Variants in STK3 observed in about 807,000 individuals in gnomAD.
The protein encoded by STK3 is serine/threonine kinase 3.
A neutral mutation model predicts 58.0 loss-of-function variants in STK3; 41 were observed. The ratio of observed to expected loss-of-function variants is 0.71; its 90% confidence interval spans 0.55 to 0.92. The LOEUF (loss-of-function observed/expected upper bound fraction) is 0.92, where lower values mean the gene tolerates loss of function less well. STK3 is among the 40% of genes least tolerant of loss of function. The probability of loss-of-function intolerance (pLI) is 0.00; values close to 1 mark genes in which losing one functional copy is unlikely to be tolerated. For synonymous variants in STK3, 170 were observed against 191.0 expected, an observed-to-expected ratio of 0.89 and a Z score of 0.91; for missense variants, 479 against 602.7, an observed-to-expected ratio of 0.79 and a Z score of 2.15.
chr8:98,935,177 G>A (rs1487055002), intron 1 of STK3, among the ~76,000 whole-genome samples: 1 of 152,076 alleles, frequency 6.6e-6, no homozygotes, highest in Non-Finnish European at 1.5e-5. Context: ...GGGGGTGGGG[G>A]GCTTGCCCTC....
intron 6 of STK3, chr8:98,597,629 T>C (rs1046306321): frequency 5.1e-6 from 5 of 985,400 alleles, no homozygotes; most frequent in Middle Eastern, 5.2e-4. Flanking sequence ...TGCCACAAGA[T>C]GAATCTGCTG....
chr8:98,722,866 T>C (rs1202027342), intron 4 of STK3: 6 of 504,988 alleles, frequency 1.2e-5, no homozygotes, highest in Non-Finnish European at 1.6e-5. Context: ...ATCTGCTTCA[T>C]ATAGAAGAAG....
intron 10 of STK3, among the ~76,000 whole-genome samples, chr8:98,486,865 C>G (rs1025702421): frequency 2.0e-5 from 3 of 152,044 alleles, no homozygotes; most frequent in Non-Finnish European, 4.4e-5. Flanking sequence ...GTTGAGGTGG[C>G]TACTGTCAGT....
At chr8:98,541,401 C>A (rs1043499018) in intron 9 of STK3, among the ~76,000 whole-genome samples, 3 of 152,094 alleles carry the variant, frequency 2.0e-5, no homozygotes, top group Admixed American at 6.5e-5. Flanking sequence ...CCATGTAGGA[C>A]GTGCCAGCTT....
At chr8:98,918,921 AC>A (rs1427077674) in intron 1 of STK3, among the ~76,000 whole-genome samples, 1 of 151,956 alleles carries the variant, frequency 6.6e-6, no homozygotes, top group Non-Finnish European at 1.5e-5. Context: ...CCACATCAGG[AC>A]CGGCCTGAGA....
intron 3 of STK3, among the ~76,000 whole-genome samples, chr8:98,831,331 C>G (rs564420049): frequency 1.3e-5 from 2 of 152,328 alleles, no homozygotes; most frequent in Admixed American, 1.3e-4. Context: ...AAGCCCACTA[C>G]AACCTTGAAC....
rs578135001 is a variant in STK3, at chr8:98,702,029, C to T, written c.684+4438G>A. Among the ~76,000 whole-genome samples, 3 of 152,204 alleles carry T rather than the reference C, an allele frequency of 2.0e-5. No individual in the cohort carries two copies. In the South Asian group the frequency reaches 6.2e-4, roughly 32 times the overall value. On this transcript the variant is annotated intron_variant, in intron 6 of 10. Transcript: ENST00000419617. ...GTTTCAATGTGTACATCATCATTTC[C>T]CTTTACTAAACAGATAATCATTACT...
intron 4 of STK3, among the ~76,000 whole-genome samples, chr8:98,743,976 G>GA (rs1443651211): frequency 6.6e-6 from 1 of 151,900 alleles, no homozygotes; most frequent in Non-Finnish European, 1.5e-5. Context: ...AAACACATGA[G>GA]AAAATGCTCA....
At chr8:98,895,728 T>C (rs988632382) in intron 1 of STK3, among the ~76,000 whole-genome samples, 7 of 152,132 alleles carry the variant, frequency 4.6e-5, no homozygotes, top group African/African-American at 1.7e-4. Flanking sequence ...TGATGATCAC[T>C]TAGCTGCTGA....
chr8:98,936,220 C>T (rs188730419), intron 1 of STK3, among the ~76,000 whole-genome samples: 88 of 152,264 alleles, frequency 5.8e-4, no homozygotes, highest in Admixed American at 2.7e-3. Flanking sequence ...GCCTGGCCTG[C>T]ATCCATGTTA....
At chr8:98,419,416 A>G (rs1262875878) in intron 3 of STK3, among the ~76,000 whole-genome samples, 5 of 152,156 alleles carry the variant, frequency 3.3e-5, no homozygotes, top group Non-Finnish European at 5.9e-5. Context: ...TCTTCTGCCC[A>G]AACCCCTCCA....
At chr8:98,718,017 T>C (rs899155787) in intron 4 of STK3, among the ~76,000 whole-genome samples, 1 of 152,142 alleles carries the variant, frequency 6.6e-6, no homozygotes, top group Non-Finnish European at 1.5e-5. Flanking sequence ...CACATCTAGA[T>C]AGACAGTAGA....
intron 6 of STK3, among the ~76,000 whole-genome samples, chr8:98,671,555 T>G (rs947226180): frequency 6.6e-6 from 1 of 152,120 alleles, no homozygotes; most frequent in Non-Finnish European, 1.5e-5. Flanking sequence ...TTTTTGTATA[T>G]AAATTTTTTA....
At chr8:98,603,942 A>G (rs1426939939) in intron 6 of STK3, among the ~76,000 whole-genome samples, 1 of 152,226 alleles carries the variant, frequency 6.6e-6, no homozygotes, top group Non-Finnish European at 1.5e-5. Flanking sequence ...TTAAGTTAAA[A>G]GTCTTGAGGT....
chr8:98,884,962 A>T (rs186406756), intron 1 of STK3, among the ~76,000 whole-genome samples: 50 of 152,362 alleles, frequency 3.3e-4, no homozygotes, highest in African/African-American at 1.2e-3. Flanking sequence ...AACTCAAAGA[A>T]CACTGCAATA....
intron 1 of STK3, among the ~76,000 whole-genome samples, chr8:98,387,402 G>A (rs1586544849): frequency 1.3e-5 from 2 of 152,312 alleles, no homozygotes; most frequent in South Asian, 4.1e-4. Context: ...CTAAGCATGA[G>A]TCCATGATGT....
chr8:98,722,012 AG>A (rs1234576840), intron 4 of STK3, among the ~76,000 whole-genome samples: 1 of 152,144 alleles, frequency 6.6e-6, no homozygotes, highest in Non-Finnish European at 1.5e-5. Flanking sequence ...GATCATAAAA[AG>A]CTCTTTCAAA....
chr8:98,554,093 A>T (rs887266014), intron 8 of STK3, among the ~76,000 whole-genome samples: 49 of 152,298 alleles, frequency 3.2e-4, no homozygotes, highest in African/African-American at 1.1e-3. Flanking sequence ...AATTCTAGGC[A>T]GGTCTAATTC....
chr8:98,916,854 A>T (rs1044332616), intron 1 of STK3, among the ~76,000 whole-genome samples: 43 of 152,288 alleles, frequency 2.8e-4, no homozygotes, highest in African/African-American at 1.0e-3. Flanking sequence ...ACAAAACAAA[A>T]CAAAACAATA....
Sources: allele counts gnomAD v4.1 joint callset (sites outside exome capture counted in the v4.1 genomes callset), GRCh38; gene constraint gnomAD v4.1.1; transcripts MANE v1.5; gene names NCBI Gene and HGNC (gene_info 2026-07-23, HGNC 2026-07-21).